CSPP1: variants seen among roughly 807,000 people sequenced by gnomAD.
The protein encoded by CSPP1 is centrosome and spindle pole-associated protein 1.
Under a neutral mutation model 164.4 loss-of-function variants are expected in CSPP1, and 126 were observed. The observed-to-expected ratio is 0.77, with a 90% confidence interval of 0.66 to 0.89. The LOEUF (loss-of-function observed/expected upper bound fraction) is 0.89, where lower values mean the gene tolerates loss of function less well. CSPP1 is among the 40% of genes least tolerant of loss of function. CSPP1 has a pLI of 0.00. For synonymous variants in CSPP1, 472 were observed against 476.7 expected, an observed-to-expected ratio of 0.99 and a Z score of 0.13; for missense variants, 1,395 against 1,449.8, an observed-to-expected ratio of 0.96 and a Z score of 0.61.
intron 22 of CSPP1, among the ~76,000 whole-genome samples, chr8:67,163,173 A>G (rs2129562157): frequency 6.6e-6 from 1 of 152,234 alleles, no homozygotes; most frequent in East Asian, 1.9e-4. Context: ...TGAAGGCAGT[A>G]TTGTTGGAGT....
intron 1 of CSPP1, among the ~76,000 whole-genome samples, chr8:67,068,439 T>C (rs553778796): frequency 4.6e-5 from 7 of 152,232 alleles, no homozygotes; most frequent in Non-Finnish European, 4.4e-5. Flanking sequence ...TTGAAAAAAG[T>C]TGTGAGTGAC....
chr8:67,140,292 T>C (rs553503747), intron 17 of CSPP1, among the ~76,000 whole-genome samples: 10 of 152,124 alleles, frequency 6.6e-5, no homozygotes, highest in Non-Finnish European at 1.5e-4. Flanking sequence ...ACCATGTTGG[T>C]CAGGCTGGTC....
intron 14 of CSPP1, among the ~76,000 whole-genome samples, 155 bp from the exon 15 acceptor site, chr8:67,118,588 T>C (rs904784422): frequency 6.6e-6 from 1 of 152,186 alleles, no homozygotes; most frequent in Non-Finnish European, 1.5e-5. Context: ...TGTTTTCTTA[T>C]GTTGTTCTTT....
chr8:67,064,904 T>G, intron 1 of CSPP1: 3 of 174,826 alleles, frequency 1.7e-5, no homozygotes, highest in Non-Finnish European at 2.5e-5. Context: ...ACGGTCCGGA[T>G]TCCTGGGCCA....
chr8:67,138,396 A>G (rs934237541), intron 17 of CSPP1, among the ~76,000 whole-genome samples: 1 of 152,206 alleles, frequency 6.6e-6, no homozygotes, highest in African/African-American at 2.4e-5. Flanking sequence ...TGCTATGTAA[A>G]TAGTTGTAAT....
intron 24 of CSPP1, among the ~76,000 whole-genome samples, chr8:67,165,077 G>A (rs1416260544): frequency 6.6e-6 from 1 of 152,212 alleles, no homozygotes; most frequent in South Asian, 2.1e-4. Flanking sequence ...GAGGTCAGGA[G>A]ATCGAGACCA....
At position 67,113,806 on chromosome 8, in the gene CSPP1, GA is replaced by G; in HGVS notation, c.1194del (p.Asp399IlefsTer2). ...ATGTAAAACTTTAATTTTGTTTAGA[GA>G]AAAAGATTTAGAACTCAGGGTTGCA... ...MAEQQRNKRR[E>X]KDLELRVAAS... On this transcript the variant is annotated frameshift_variant and splice_region_variant, in exon 11 of 31. Coordinates refer to ENST00000678616, the MANE Select transcript of CSPP1 (RefSeq NM_001382391.1). LOFTEE classifies it high-confidence loss of function. The G allele has an allele frequency of 1.3e-6, 2 of 1,541,358 alleles. No homozygotes were observed. The highest frequency in any genetic ancestry group is 1.4e-5 in the African/African-American group (1 of 72,590).
At chr8:67,147,437 A>G (rs1015812824) in intron 17 of CSPP1, among the ~76,000 whole-genome samples, 9 of 152,142 alleles carry the variant, frequency 5.9e-5, no homozygotes, top group South Asian at 2.1e-4. Flanking sequence ...AACACAGACA[A>G]ATGCTTCCTT....
intron 28 of CSPP1, among the ~76,000 whole-genome samples, chr8:67,188,859 G>A (rs951964626): frequency 1.3e-5 from 2 of 152,104 alleles, no homozygotes; most frequent in African/African-American, 4.8e-5. Flanking sequence ...TGGGTTCCAC[G>A]GTTCTCTTCT....
chr8:67,156,557 A>G (rs950393879), intron 19 of CSPP1, among the ~76,000 whole-genome samples: 1 of 152,178 alleles, frequency 6.6e-6, no homozygotes, highest in Admixed American at 6.5e-5. Context: ...AAAACCTAAT[A>G]TGTAATTCTA....
chr8:67,160,916 T>A (rs1828221677), intron 21 of CSPP1, among the ~76,000 whole-genome samples: 1 of 152,122 alleles, frequency 6.6e-6, no homozygotes, highest in Non-Finnish European at 1.5e-5. Flanking sequence ...AACTTCCGCC[T>A]CCCAGGTTCA....
intron 24 of CSPP1, among the ~76,000 whole-genome samples, chr8:67,170,617 T>C (rs1219301449): frequency 6.6e-6 from 1 of 152,110 alleles, no homozygotes; most frequent in East Asian, 1.9e-4. Context: ...ATCTTCATAC[T>C]CCATGAACAT....
intron 23 of CSPP1, 29 bp from the exon 24 acceptor site, chr8:67,164,362 G>A (rs1195088905): frequency 1.9e-6 from 2 of 1,027,660 alleles, no homozygotes; most frequent in African/African-American, 1.6e-5. Context: ...TTCCTGTCTT[G>A]TGTTTTACTT....
chr8:67,182,507 T>C (rs992088159), intron 28 of CSPP1, among the ~76,000 whole-genome samples: 8 of 152,248 alleles, frequency 5.3e-5, no homozygotes, highest in Non-Finnish European at 1.0e-4. Context: ...CACTAAGAGA[T>C]AGCATTTGCT....
chr8:67,109,899 T>G (rs970483690), intron 9 of CSPP1, among the ~76,000 whole-genome samples: 9 of 152,122 alleles, frequency 5.9e-5, no homozygotes, highest in Non-Finnish European at 2.9e-5. Flanking sequence ...TTTGAGTAAC[T>G]TATTTTATCA....
intron 5 of CSPP1, among the ~76,000 whole-genome samples, 190 bp downstream of exon 5, chr8:67,092,073 G>A (rs1177111155): frequency 6.6e-6 from 1 of 152,066 alleles, no homozygotes; most frequent in Non-Finnish European, 1.5e-5. Flanking sequence ...CACAACATTT[G>A]TAACCATATA....
intron 24 of CSPP1, among the ~76,000 whole-genome samples, chr8:67,167,850 C>A (rs560665979): frequency 1.3e-5 from 2 of 149,676 alleles, no homozygotes; most frequent in African/African-American, 4.9e-5. Context: ...ACATCCCAGA[C>A]GATGGGTGGC....
chr8:67,179,509 G>A lies in CSPP1; in HGVS notation c.3157-354G>A, dbSNP rs573582850. Among the ~76,000 whole-genome samples the A allele has an allele frequency of 2.0e-5, 3 of 152,266 alleles. No individual in the cohort carries two copies. The East Asian group carries it at 5.8e-4, about 29-fold the overall frequency. On this transcript the variant is annotated intron_variant, in intron 27 of 30. Transcript: ENST00000678616. ...TGGCTTAAAGACTTAATGTTTAATTGGGGTCTTTGCTTCATACTGTATTAT... is the reference window on the plus strand; with the variant it reads ...TGGCTTAAAGACTTAATGTTTAATTAGGGTCTTTGCTTCATACTGTATTAT...
intron 16 of CSPP1, among the ~76,000 whole-genome samples, chr8:67,137,029 T>C (rs1348772654): frequency 6.6e-6 from 1 of 152,104 alleles, no homozygotes; most frequent in Non-Finnish European, 1.5e-5. Flanking sequence ...TTGCCCAAGC[T>C]GAAGTACAGT....
Sources: gnomAD v4.1 joint callset for allele counts (sites outside exome capture counted in the v4.1 genomes callset) on GRCh38, gnomAD v4.1.1 for gene constraint, MANE v1.5 for transcripts, NCBI Gene and HGNC (gene_info 2026-07-23, HGNC 2026-07-21) for gene names.